Variants in NFIX observed in about 807,000 individuals in gnomAD.
The protein encoded by NFIX is nuclear factor I X.
A neutral mutation model predicts 53.3 loss-of-function variants in NFIX; 2 were observed. That is an observed-to-expected ratio of 0.04 (90% CI 0.02 to 0.12). NFIX has a LOEUF of 0.12. Among genes scored for constraint, NFIX ranks in the 10% least tolerant of loss-of-function variants. The probability of loss-of-function intolerance (pLI) is 1.00; values close to 1 mark genes in which losing one functional copy is unlikely to be tolerated. For missense variants in NFIX, 310 were observed against 674.5 expected (o/e 0.46, Z 5.99); for synonymous variants, 244 against 289.0 (o/e 0.84, Z 1.58).
chr19:13,081,626 A>G lies in NFIX; in HGVS notation c.1079-54A>G. On this transcript the variant is annotated intron_variant, in intron 7 of 10. Transcript: ENST00000592199. The surrounding 1 kb of genome is among the most constrained non-coding windows in gnomAD (Gnocchi z 4.7). ...GCTCCCCTCCTCTCCTGTCCCTCCC[A>G]CTGGCTGCCTCCTTGGCCCTGACGC... is the stretch of plus-strand genomic sequence containing the variant. 1 of 1,575,156 alleles carries G rather than the reference A, an allele frequency of 6.3e-7. No homozygotes were observed. The highest frequency in any genetic ancestry group is 1.3e-5 in the African/African-American group (1 of 74,258).
At chr19:13,062,621 C>T (rs2016165100) in intron 2 of NFIX, among the ~76,000 whole-genome samples, 1 of 152,234 alleles carries the variant, frequency 6.6e-6, no homozygotes, top group African/African-American at 2.4e-5. Context: ...CCCACTTCCC[C>T]AGCCATGGAC....
chr19:13,023,525 G>GTTTTGT (rs1035271974), intron 1 of NFIX, among the ~76,000 whole-genome samples: 3 of 151,790 alleles, frequency 2.0e-5, no homozygotes, highest in Non-Finnish European at 4.4e-5. Flanking sequence ...TCCCTCCTGG[G>GTTTTGT]TTTTGTTTTT....
In NFIX at chr19:13,043,753, G is replaced by T. The variant is rs534513444; in HGVS notation, c.559+18201G>T. Among the ~76,000 whole-genome samples the T allele has an allele frequency of 6.6e-6, 1 of 152,198 alleles. No individual in the cohort carries two copies. Among genetic ancestry groups the T allele is most frequent in the Non-Finnish European group, 1.5e-5 (1 of 68,022 alleles). On this transcript the variant is annotated intron_variant, in intron 2 of 10. Coordinates refer to ENST00000592199, the MANE Select transcript of NFIX (RefSeq NM_001365902.3). The surrounding 1 kb of genome is among the most constrained non-coding windows in gnomAD (Gnocchi z 4.0). ...CAAGTCCCTGTGTGTAAGTGAGCAT[G>T]CTCTCATCAGACTTGGTCCCCACTG...
chr19:13,086,623 C>CT (rs1473649342), intron 8 of NFIX, among the ~76,000 whole-genome samples: 1 of 152,204 alleles, frequency 6.6e-6, no homozygotes, highest in Non-Finnish European at 1.5e-5. Context: ...CCTCCAGCCT[C>CT]TTTGTTGTGA....
At chr19:12,997,165 A>G (rs1295676067) in intron 1 of NFIX, among the ~76,000 whole-genome samples, 1 of 152,170 alleles carries the variant, frequency 6.6e-6, no homozygotes, top group East Asian at 1.9e-4. Context: ...TATGGCTCCT[A>G]CTTTGTCTGG....
At chr19:13,041,245 T>C (rs561577981) in intron 2 of NFIX, among the ~76,000 whole-genome samples, 1 of 152,298 alleles carries the variant, frequency 6.6e-6, no homozygotes, top group East Asian at 1.9e-4. Context: ...TTCTATGATT[T>C]GGGGAGTGTG....
Position 13,081,465 on chromosome 19 carries a change from A to G in NFIX, c.1079-215A>G, listed in dbSNP as rs2017458952. On this transcript the variant is annotated intron_variant, in intron 7 of 10. Transcript: ENST00000592199. This position sits in a 1 kb window ranked among gnomAD's most constrained non-coding sequence, Gnocchi z 4.7. ...TGGACCCTAGTTTGCCTATTTGATT[A>G]TTATTATTATTATTATTTTTGTATT... Among the ~76,000 whole-genome samples the G allele has an allele frequency of 6.6e-6, 1 of 151,962 alleles. No homozygotes were observed. Among genetic ancestry groups the G allele is most frequent in the Non-Finnish European group, 1.5e-5 (1 of 67,992 alleles).
At position 13,001,402 on chromosome 19, in the gene NFIX, C is replaced by T. The variant is rs899812296; in HGVS notation, c.27+5538C>T. 5.3e-5 allele frequency among the ~76,000 whole-genome samples: 8 copies of T among 151,936 alleles called. No individual in the cohort carries two copies. The highest frequency in any genetic ancestry group is 2.1e-4 in the South Asian group (1 of 4,800). On this transcript the variant is annotated intron_variant, in intron 1 of 10. Coordinates refer to ENST00000592199, the MANE Select transcript of NFIX (RefSeq NM_001365902.3). The surrounding 1 kb of genome is among the most constrained non-coding windows in gnomAD (Gnocchi z 6.5). ...CTCTTGTGTATTTGGTAGTGGGGGT[C>T]GGGGAGCGTGCCACCATGCGTGTCA...
chr19:13,071,553 T>G (rs557589925), intron 2 of NFIX, among the ~76,000 whole-genome samples: 3 of 152,086 alleles, frequency 2.0e-5, no homozygotes, highest in African/African-American at 7.2e-5. Flanking sequence ...AAACCAGAGG[T>G]GGTGAAGTAT....
chr19:13,030,971 G>A (rs1189749778), intron 2 of NFIX, among the ~76,000 whole-genome samples: 3 of 152,192 alleles, frequency 2.0e-5, no homozygotes, highest in African/African-American at 7.2e-5. Flanking sequence ...TTGGACATTC[G>A]TGTCTGTTAA....
At chr19:13,054,747 G>C (rs2015542356) in intron 2 of NFIX, among the ~76,000 whole-genome samples, 1 of 152,104 alleles carries the variant, frequency 6.6e-6, no homozygotes, top group Admixed American at 6.5e-5. Context: ...TTGGTGCCTA[G>C]AGCCCTGAAA....
At position 13,088,155 on chromosome 19, in the gene NFIX, C is replaced by T. The variant is rs766197333; in HGVS notation, c.1402+19C>T. ...TCACCTTGTAAGTGGACGATGAAAC[C>T]GAAACCACAACGCCCAGCGTCCCCG... On this transcript the variant is annotated intron_variant, in intron 9 of 10. Transcript: ENST00000592199. This position sits in a 1 kb window ranked among gnomAD's most constrained non-coding sequence, Gnocchi z 5.9. 25 of 1,536,174 alleles carry T rather than the reference C, an allele frequency of 1.6e-5. No homozygotes were observed. The highest frequency in any genetic ancestry group is 8.3e-5 in the South Asian group (7 of 84,060).
chr19:13,036,841 C>T lies in NFIX; in HGVS notation c.559+11289C>T, dbSNP rs1183048437. On this transcript the variant is annotated intron_variant, in intron 2 of 10. Transcript: ENST00000592199. This position sits in a 1 kb window ranked among gnomAD's most constrained non-coding sequence, Gnocchi z 4.7. ...TGGGCTATAAATTTCTGAGCAGTGA[C>T]GTCAGCGGGCATGGTACCTAGTTAG... Among the ~76,000 whole-genome samples the T allele has an allele frequency of 6.6e-6, 1 of 152,128 alleles. No individual in the cohort carries two copies. The highest frequency in any genetic ancestry group is 2.4e-5 in the African/African-American group (1 of 41,414).
intron 1 of NFIX, among the ~76,000 whole-genome samples, chr19:13,008,455 C>T (rs2012144598): frequency 6.6e-6 from 1 of 152,282 alleles, no homozygotes; most frequent in South Asian, 2.1e-4. Flanking sequence ...TGATTGGTGG[C>T]CCTGACCCCA....
At chr19:13,008,130 T>G (rs1046682652) in intron 1 of NFIX, among the ~76,000 whole-genome samples, 8 of 152,166 alleles carry the variant, frequency 5.3e-5, no homozygotes, top group Non-Finnish European at 1.0e-4. Context: ...GTCCTGGGAT[T>G]CTTCCAGCTG....
chr19:13,087,774 CA>C lies in NFIX; in HGVS notation c.1255-191del, dbSNP rs1157966190. Reference sequence around the variant, plus strand: ...CCCTCCCACAACTTCAAAAGAGGACCAAAAAAAAAAAAAAAAAAAAAAAAGA... The same window carrying C: ...CCCTCCCACAACTTCAAAAGAGGACCAAAAAAAAAAAAAAAAAAAAAAAGA... On this transcript the variant is annotated intron_variant, in intron 8 of 10. Transcript: ENST00000592199. Among the ~76,000 whole-genome samples, 36 of 26,392 alleles carry C rather than the reference CA, an allele frequency of 1.4e-3. No individual in the cohort carries two copies. In the South Asian group the frequency reaches 0.015, roughly 11 times the overall value. 17.3% of individuals were successfully genotyped at this position (26,392 alleles called of 152,430 possible).
intron 2 of NFIX, among the ~76,000 whole-genome samples, chr19:13,026,421 T>G (rs1040122887): frequency 5.9e-5 from 9 of 152,138 alleles, no homozygotes; most frequent in African/African-American, 1.9e-4. Context: ...TTTCCTTTTG[T>G]GTTCCAAGTA....
At position 13,021,600 on chromosome 19, in the gene NFIX, G is replaced by A. The variant is rs1238083602; in HGVS notation, c.28-3421G>A. 6.6e-6 allele frequency among the ~76,000 whole-genome samples: 1 copy of A among 152,208 alleles called. No individual in the cohort carries two copies. The highest frequency in any genetic ancestry group is 1.5e-5 in the Non-Finnish European group (1 of 68,038). ...GGGAGAGGGCGGCTGTAGGGATGGG[G>A]TTCTGAGTGGAATTGGATCCCTTTC... On this transcript the variant is annotated intron_variant, in intron 1 of 10. Transcript: ENST00000592199. The surrounding 1 kb of genome is among the most constrained non-coding windows in gnomAD (Gnocchi z 4.2).
chr19:13,082,537 G>A (rs1163199404), intron 8 of NFIX: 2 of 152,278 alleles, frequency 1.3e-5, no homozygotes, highest in Non-Finnish European at 2.9e-5. Flanking sequence ...GACGGTCCTG[G>A]TTCTAGAGTG....
Sources: gnomAD v4.1 joint callset for allele counts (sites outside exome capture counted in the v4.1 genomes callset) on GRCh38, gnomAD v4.1.1 for gene constraint, Gnocchi (gnomAD v3.1) non-coding constraint, MANE v1.5 for transcripts, NCBI Gene and HGNC (gene_info 2026-07-23, HGNC 2026-07-21) for gene names.